DMD: variants seen among roughly 807,000 people sequenced by gnomAD.
The protein encoded by DMD is mutant dystrophin.
A neutral mutation model predicts 330.1 loss-of-function variants in DMD; 63 were observed. The ratio of observed to expected loss-of-function variants is 0.19; its 90% confidence interval spans 0.16 to 0.24. DMD has a LOEUF of 0.24. Ranked by LOEUF, DMD falls within the 10% of genes least tolerant of loss-of-function variation. The pLI, the probability that DMD is intolerant of heterozygous loss-of-function variation, is 1.00. For missense variants in DMD, 3,344 were observed against 2,684.1 expected (o/e 1.25, Z -5.43); for synonymous variants, 1,223 against 959.8 (o/e 1.27, Z -5.07).
chrX:32,174,033 C>G (rs760799779), intron 44 of DMD, among the ~76,000 whole-genome samples: 1 of 112,134 alleles, frequency 8.9e-6, no homozygotes, highest in East Asian at 2.8e-4. Flanking sequence ...AAGACTGAGT[C>G]TACATTTCGG....
intron 59 of DMD, among the ~76,000 whole-genome samples, chrX:31,473,459 C>T (rs761999043): frequency 5.9e-4 from 65 of 109,417 alleles, no homozygotes; most frequent in Admixed American, 5.6e-3. Context: ...CGGTGGCTCA[C>T]GCCTGTAATC....
chrX:33,096,870 G>T (rs755643957), intron 1 of DMD, among the ~76,000 whole-genome samples: 2 of 112,786 alleles, frequency 1.8e-5, no homozygotes, highest in African/African-American at 6.4e-5. Context: ...CACACAAACT[G>T]CAAGAACAAA....
intron 44 of DMD, among the ~76,000 whole-genome samples, chrX:32,183,579 T>TAA (rs1395273737): frequency 0.018 from 1,571 of 89,598 alleles, 19 homozygotes; most frequent in Non-Finnish European, 0.025. Flanking sequence ...TAAATATATA[T>TAA]ATATATATAT....
intron 9 of DMD, among the ~76,000 whole-genome samples, chrX:32,684,931 T>A (rs2062742190): frequency 8.9e-6 from 1 of 111,747 alleles, no homozygotes; most frequent in Non-Finnish European, 1.9e-5. Flanking sequence ...CTTAGAGTCT[T>A]TCTTAAAAGC....
chrX:31,478,838 TCAGCA>T, intron 58 of DMD, 140 bp downstream of exon 58: 7 of 607,301 alleles, frequency 1.2e-5, no homozygotes, highest in African/African-American at 6.8e-5. Context: ...TATTTTTTTT[TCAGCA>T]TCTATGTTTA....
At chrX:31,571,882 G>A (rs2075839414) in intron 55 of DMD, among the ~76,000 whole-genome samples, 1 of 111,774 alleles carries the variant, frequency 8.9e-6, no homozygotes, top group Non-Finnish European at 1.9e-5. Context: ...ATCAGGTTAA[G>A]AACTACTGAC....
At chrX:32,883,010 T>A (rs1219632977) in intron 2 of DMD, among the ~76,000 whole-genome samples, 1 of 112,279 alleles carries the variant, frequency 8.9e-6, no homozygotes, top group Admixed American at 9.5e-5. Context: ...TTCTGCAGTA[T>A]GTCTTAATAG....
At chrX:32,640,074 G>T (rs1261870756) in intron 11 of DMD, among the ~76,000 whole-genome samples, 1 of 106,868 alleles carries the variant, frequency 9.4e-6, no homozygotes, top group African/African-American at 3.4e-5. Flanking sequence ...TTATATATAA[G>T]TTATTATACA....
chrX:31,338,309 C>CAAAAAAAAAAAA (rs752828727), intron 61 of DMD, among the ~76,000 whole-genome samples: 12 of 53,351 alleles, frequency 2.2e-4, no homozygotes, highest in African/African-American at 3.0e-4. Flanking sequence ...AGTAAAAATA[C>CAAAAAAAAAAAA]AAAAAAAAAA....
intron 59 of DMD, among the ~76,000 whole-genome samples, chrX:31,463,148 G>A (rs1176378215): frequency 8.9e-6 from 1 of 112,050 alleles, no homozygotes; most frequent in East Asian, 2.8e-4. Flanking sequence ...AAGTGGAAGC[G>A]GGAGATGTCA....
intron 52 of DMD, among the ~76,000 whole-genome samples, chrX:31,729,224 A>G (rs187804755): frequency 1.0e-3 from 112 of 111,499 alleles, no homozygotes; most frequent in Middle Eastern, 9.3e-3. Context: ...GTCACTGCAC[A>G]TGGGAATGAA....
chrX:32,751,793 T>C lies in DMD; in HGVS notation c.650-52500A>G, dbSNP rs745829831. 1.3e-4 allele frequency among the ~76,000 whole-genome samples: 15 copies of C among 112,093 alleles called. No individual in the cohort carries two copies. The South Asian group carries it at 5.6e-3, about 42-fold the overall frequency. The stretch of plus-strand genomic sequence containing the variant: ...GTGGGCTAGGCCCAGGGTCCCTCTG[T>C]GGTGTGCAGCCTAGAGACTTGGTGC... On this transcript the variant is annotated intron_variant, in intron 7 of 78. Transcript: ENST00000357033.
intron 9 of DMD, among the ~76,000 whole-genome samples, chrX:32,691,264 A>G (rs928818114): frequency 2.7e-5 from 3 of 109,909 alleles, no homozygotes; most frequent in Non-Finnish European, 3.8e-5. Context: ...ACCTTATATT[A>G]TATTAACAAC....
At chrX:31,322,263 C>G (rs920378684) in intron 62 of DMD, among the ~76,000 whole-genome samples, 1 of 111,556 alleles carries the variant, frequency 9.0e-6, no homozygotes, top group African/African-American at 3.3e-5. Flanking sequence ...AAATCACTGT[C>G]TAGAGTTTGA....
chrX:32,523,467 G>C (rs1201604247), intron 17 of DMD, among the ~76,000 whole-genome samples: 2 of 112,231 alleles, frequency 1.8e-5, no homozygotes, highest in Non-Finnish European at 3.8e-5. Flanking sequence ...ACTTTTGTTT[G>C]ATAGTAGATC....
chrX:32,102,910 C>T (rs2096546885), intron 44 of DMD, among the ~76,000 whole-genome samples: 1 of 111,930 alleles, frequency 8.9e-6, no homozygotes, highest in African/African-American at 3.2e-5. Flanking sequence ...AATCACATGA[C>T]TTATCACTGA....
intron 11 of DMD, among the ~76,000 whole-genome samples, chrX:32,637,531 C>T (rs763578949): frequency 8.9e-6 from 1 of 111,822 alleles, no homozygotes; most frequent in East Asian, 2.8e-4. Flanking sequence ...ACCCCACTCT[C>T]TGCGGTACCA....
Position 32,613,272 on chromosome X carries a change from A to G in DMD, c.1482+1031T>C, listed in dbSNP as rs186231351. 2.1e-3 allele frequency among the ~76,000 whole-genome samples: 238 copies of G among 111,139 alleles called. 2 individuals are homozygous for G. Among genetic ancestry groups the G allele is most frequent in the Non-Finnish European group, 1.0e-3 (55 of 52,884 alleles). On this transcript the variant is annotated intron_variant, in intron 12 of 78. Coordinates refer to ENST00000357033, the MANE Select transcript of DMD (RefSeq NM_004006.3). Reference sequence around the variant, plus strand: ...AATGTGGCAACCCTAATCCTGGGACAATTACAAAGGATCTTGTGTGTGTGT... The same window carrying G: ...AATGTGGCAACCCTAATCCTGGGACGATTACAAAGGATCTTGTGTGTGTGT...
At chrX:32,277,304 G>C (rs950472816) in intron 43 of DMD, among the ~76,000 whole-genome samples, 2 of 111,663 alleles carry the variant, frequency 1.8e-5, no homozygotes, top group Admixed American at 9.5e-5. Context: ...CAACACTGGA[G>C]TACAGATATA....
Sources: allele counts gnomAD v4.1 joint callset (sites outside exome capture counted in the v4.1 genomes callset), GRCh38; gene constraint gnomAD v4.1.1; transcripts MANE v1.5; gene names NCBI Gene and HGNC (gene_info 2026-07-23, HGNC 2026-07-21).